Variants in AEN observed in about 807,000 individuals in gnomAD.
AEN encodes apoptosis-enhancing nuclease.
Under a neutral mutation model 17.7 loss-of-function variants are expected in AEN, and 21 were observed. The observed-to-expected ratio is 1.19, with a 90% CI of 0.84 to 1.71. The LOEUF is 1.71. AEN is among the 40% of genes most tolerant of loss of function. The pLI is 0.00. For synonymous variants in AEN, 190 were observed against 173.0 expected (o/e 1.10, Z -0.77); for missense variants, 462 against 435.9 (o/e 1.06, Z -0.53).
At chr15:88,626,808 G>T (rs1295630796) in intron 2 of AEN, 59 bp downstream of exon 2, 1 of 1,537,758 alleles carries the variant, frequency 6.5e-7, no homozygotes, top group Non-Finnish European at 8.8e-7. Flanking sequence ...GAGCCACCCT[G>T]GGTTTGAATC....
chr15:88,607,522 G>C, the AEN span, among the ~76,000 whole-genome samples: 10 of 152,338 alleles, frequency 6.6e-5, no homozygotes, highest in African/African-American at 2.4e-4. Flanking sequence ...ATAAGTCTAA[G>C]TGCCATGAAC....
Position 88,631,475 on chromosome 15 carries a change from T to A in AEN, c.*1181T>A. The A allele has an allele frequency of 4.3e-6, 1 of 231,904 alleles. No individual in the cohort carries two copies. Among genetic ancestry groups the A allele is most frequent in the South Asian group, 5.5e-5 (1 of 18,036 alleles). 14.4% of individuals were successfully genotyped at this position (231,904 alleles called of 1,614,324 possible). On this transcript the variant is annotated 3_prime_UTR_variant, in exon 4 of 4. Transcript: ENST00000332810. The stretch of plus-strand genomic sequence containing the variant: ...TGGAGCCCCATCTTTGCTTGCAGCT[T>A]AGCTTTGAGATACTAAGCAAGCGAG...
rs576578123 is a variant in AEN at position 88,631,657 on chromosome 15, CTTTTT to C, written c.*1371_*1375del. Reference sequence around the variant, plus strand: ...CTACTGTGAGTTTCTGTTTATCCCCCTTTTTTTTTTTTAAGCCCATTGTTTATTCT... The same window carrying C: ...CTACTGTGAGTTTCTGTTTATCCCCCTTTTTTTAAGCCCATTGTTTATTCT... On this transcript the variant is annotated 3_prime_UTR_variant, in exon 4 of 4. Coordinates refer to ENST00000332810, the MANE Select transcript of AEN (RefSeq NM_022767.4). 6.8e-6 allele frequency: 1 copy of C among 146,674 alleles called. No homozygotes were observed. Among genetic ancestry groups the C allele is most frequent in the Non-Finnish European group, 1.5e-5 (1 of 66,398 alleles). The allele number at this position is 146,674 out of a possible 1,614,324, so 9.1% of individuals were successfully genotyped here. A position where few individuals can be genotyped will look rare whatever the true frequency, so the allele number is the denominator to read the frequency against.
At chr15:88,608,404 C>A in the AEN span, among the ~76,000 whole-genome samples, 1 of 152,266 alleles carries the variant, frequency 6.6e-6, no homozygotes, top group African/African-American at 2.4e-5. Context: ...CTTTTTTCCC[C>A]CTTCATTTTA....
chr15:88,630,354 G>A lies in AEN; in HGVS notation c.*60G>A. 1 of 1,474,496 alleles carries A rather than the reference G, an allele frequency of 6.8e-7. No individual in the cohort carries two copies. The highest frequency in any genetic ancestry group is 9.2e-7 in the Non-Finnish European group (1 of 1,087,016). The allele number at this position is 1,474,496 out of a possible 1,614,324, so 91.3% of individuals were successfully genotyped here. A position where few individuals can be genotyped will look rare whatever the true frequency, so the allele number is the denominator to read the frequency against. ...GTGGCCGGTAGGAAGTGGGGGCCAG[G>A]AGAGCAGCGGGCACTCCTTCCTGGG... On this transcript the variant is annotated 3_prime_UTR_variant, in exon 4 of 4. Coordinates refer to ENST00000332810, the MANE Select transcript of AEN (RefSeq NM_022767.4). The surrounding 1 kb of genome is among the most constrained non-coding windows in gnomAD (Gnocchi z 5.1).
chr15:88,611,289 CCT>C, the AEN span, among the ~76,000 whole-genome samples: 2 of 152,020 alleles, frequency 1.3e-5, no homozygotes, highest in Middle Eastern at 3.4e-3. Flanking sequence ...AAATAATTCC[CCT>C]GTTTGTAAAG....
the AEN span, among the ~76,000 whole-genome samples, chr15:88,609,179 G>C: frequency 6.6e-6 from 1 of 152,134 alleles, no homozygotes; most frequent in Non-Finnish European, 1.5e-5. Flanking sequence ...CCCCATCTGT[G>C]CCAGAGTTCA....
At chr15:88,614,259 G>C in the AEN span, among the ~76,000 whole-genome samples, 1 of 152,108 alleles carries the variant, frequency 6.6e-6, no homozygotes, top group Non-Finnish European at 1.5e-5. Context: ...GAGTGCAGTG[G>C]TGTGATCTCG....
rs1359150932 is a variant in AEN, at chr15:88,630,939, T to C, written c.*645T>C. 9.0e-6 allele frequency: 3 copies of C among 334,552 alleles called. No individual in the cohort carries two copies. Among genetic ancestry groups the C allele is most frequent in the African/African-American group, 2.1e-5 (1 of 46,590 alleles). The allele number at this position is 334,552 out of a possible 1,614,324, so 20.7% of individuals were successfully genotyped here. On this transcript the variant is annotated 3_prime_UTR_variant, in exon 4 of 4. Transcript: ENST00000332810. The surrounding 1 kb of genome is among the most constrained non-coding windows in gnomAD (Gnocchi z 5.1). ...CTGGCCTGTCAGCTCCCTGCTAGGC[T>C]ACAGTGGAATAGCAGAGCCCACAGG...
In AEN at chr15:88,630,007, C is replaced by T. The variant is rs1452648757; in HGVS notation, c.742-51C>T. ...AAACTGGCCTTGCTTCTTGGGGTAA[C>T]AGGCCTCTCACTAGGCCTGCAGGCA... On this transcript the variant is annotated intron_variant, in intron 3 of 3. Transcript: ENST00000332810. This position sits in a 1 kb window ranked among gnomAD's most constrained non-coding sequence, Gnocchi z 5.1. 2 of 1,574,058 alleles carry T rather than the reference C, an allele frequency of 1.3e-6. No individual in the cohort carries two copies. The highest frequency in any genetic ancestry group is 8.7e-7 in the Non-Finnish European group (1 of 1,145,734).
chr15:88,620,151 G>A (rs1250900667), upstream of AEN, among the ~76,000 whole-genome samples: 1 of 151,964 alleles, frequency 6.6e-6, no homozygotes, highest in African/African-American at 2.4e-5. Flanking sequence ...CTCATCACAG[G>A]TACGTTTCCA....
At position 88,626,278 on chromosome 15, in the gene AEN, G is replaced by C; in HGVS notation, c.69G>C (p.Lys23Asn). 1 of 1,613,608 alleles carries C rather than the reference G, an allele frequency of 6.2e-7. No homozygotes were observed. Among genetic ancestry groups the C allele is most frequent in the Non-Finnish European group, 8.5e-7 (1 of 1,179,952 alleles). The change falls in exon 2 of 4, where the codon AAG becomes AAC. Residue 23 changes from lysine (K) to asparagine (N), a missense_variant. Lys to Asn is a moderately conservative substitution (Grantham distance 94). Transcript: ENST00000332810. ...CTTCCCTCACCATCCCAAATGCCAA[G>C]GATGTGCTTCGGAAGAGGCACAAGA... ...LCPSLTIPNA[K>N]DVLRKRHKRR... is the part of the protein sequence containing the mutation.
the AEN span, among the ~76,000 whole-genome samples, chr15:88,611,350 C>T: frequency 1.3e-5 from 2 of 150,286 alleles, no homozygotes; most frequent in South Asian, 2.1e-4. Flanking sequence ...AATCCCAGCA[C>T]TTTGAGAGGC....
the AEN span, among the ~76,000 whole-genome samples, chr15:88,613,372 A>G: frequency 2.0e-5 from 3 of 152,210 alleles, no homozygotes; most frequent in Admixed American, 6.5e-5. Context: ...CAGTCCTATT[A>G]GAAATCTCAT....
In AEN at chr15:88,631,386, C is replaced by T. The variant is rs924532853; in HGVS notation, c.*1092C>T. On this transcript the variant is annotated 3_prime_UTR_variant, in exon 4 of 4. Transcript: ENST00000332810. ...GTTTTCTCCTATTTCTAAAAATGTTCTCTTCTTTCCTAAGTGACAGTTTTG... is the reference window on the plus strand; with the variant it reads ...GTTTTCTCCTATTTCTAAAAATGTTTTCTTCTTTCCTAAGTGACAGTTTTG... 1.4e-4 allele frequency: 35 copies of T among 246,928 alleles called. No individual in the cohort carries two copies. The Middle Eastern group carries it at 5.3e-3, about 38-fold the overall frequency. The allele number at this position is 246,928 out of a possible 1,614,324, so 15.3% of individuals were successfully genotyped here.
rs781200131 is a variant in AEN, at chr15:88,630,304, G to A, written c.*10G>A. On this transcript the variant is annotated 3_prime_UTR_variant, in exon 4 of 4. Coordinates refer to ENST00000332810, the MANE Select transcript of AEN (RefSeq NM_022767.4). The surrounding 1 kb of genome is among the most constrained non-coding windows in gnomAD (Gnocchi z 5.1). ...GGACAGAAGGAATTGAGAAGGGGGC[G>A]GGGCTCCCTGGCTGGGCTTCCGGTG... is the stretch of plus-strand genomic sequence containing the variant. The A allele has an allele frequency of 1.2e-5, 18 of 1,563,150 alleles. No individual in the cohort carries two copies. In the East Asian group the frequency reaches 1.7e-4, roughly 14 times the overall value.
upstream of AEN, among the ~76,000 whole-genome samples, chr15:88,616,440 G>A (rs2057739228): frequency 6.6e-6 from 1 of 152,118 alleles, no homozygotes; most frequent in Non-Finnish European, 1.5e-5. Context: ...TGGGTAGAAG[G>A]GAAGGGCTGA....
At chr15:88,626,812 T>C (rs1011714944) in intron 2 of AEN, 63 bp downstream of exon 2, 2 of 1,531,488 alleles carry the variant, frequency 1.3e-6, no homozygotes, top group African/African-American at 2.7e-5. Flanking sequence ...CACCCTGGGT[T>C]TGAATCACCA....
chr15:88,628,718 T>C (rs963691278), intron 2 of AEN: 1 of 154,064 alleles, frequency 6.5e-6, no homozygotes, highest in African/African-American at 2.4e-5. Context: ...ATGTAATGCT[T>C]TCTACTACAG....
Sources: gnomAD v4.1 joint callset for allele counts (sites outside exome capture counted in the v4.1 genomes callset) on GRCh38, gnomAD v4.1.1 for gene constraint, Gnocchi (gnomAD v3.1) non-coding constraint, MANE v1.5 for transcripts, NCBI Gene and HGNC (gene_info 2026-07-23, HGNC 2026-07-21) for gene names.